DENND4C: variants seen among roughly 807,000 people sequenced by gnomAD.
The protein encoded by DENND4C is DENN domain containing 4C.
A neutral mutation model predicts 203.0 loss-of-function variants in DENND4C; 108 were observed. The ratio of observed to expected loss-of-function variants is 0.53; its 90% CI spans 0.46 to 0.62. The LOEUF is 0.62. DENND4C is among the 20% of genes least tolerant of loss of function. DENND4C has a pLI of 0.00. For synonymous variants in DENND4C, 871 were observed against 792.4 expected, an observed-to-expected ratio of 1.10 and a Z score of -1.67; for missense variants, 2,481 against 2,301.2, an observed-to-expected ratio of 1.08 and a Z score of -1.60.
chr9:19,329,433 C>G (rs1372377013), intron 16 of DENND4C, among the ~76,000 whole-genome samples: 2 of 152,142 alleles, frequency 1.3e-5, no homozygotes, highest in Admixed American at 6.6e-5. Flanking sequence ...TGTGGATATA[C>G]CATATTTTAT....
chr9:19,299,813 C>G (rs780694679), intron 8 of DENND4C, among the ~76,000 whole-genome samples: 5 of 152,154 alleles, frequency 3.3e-5, no homozygotes, highest in Non-Finnish European at 5.9e-5. Flanking sequence ...TGTTTTCACC[C>G]TTTCCCTTAC....
At chr9:19,322,978 T>C (rs1474969861) in intron 12 of DENND4C, among the ~76,000 whole-genome samples, 5 of 151,968 alleles carry the variant, frequency 3.3e-5, no homozygotes, top group East Asian at 1.9e-4. Flanking sequence ...AAGTTGGTGA[T>C]TGAGGTAGGA....
At chr9:19,283,120 C>A (rs557949324) in intron 2 of DENND4C, among the ~76,000 whole-genome samples, 1 of 152,100 alleles carries the variant, frequency 6.6e-6, no homozygotes, top group South Asian at 2.1e-4. Context: ...CTGCATTGGC[C>A]CCTTAAAGTG....
At chr9:19,337,141 T>C (rs1328327505) in intron 20 of DENND4C, among the ~76,000 whole-genome samples, 1 of 152,204 alleles carries the variant, frequency 6.6e-6, no homozygotes, top group African/African-American at 2.4e-5. Flanking sequence ...GTGACACAAC[T>C]TGCAAATCTT....
intron 30 of DENND4C, among the ~76,000 whole-genome samples, chr9:19,367,426 A>G (rs1198165000): frequency 1.3e-5 from 2 of 152,248 alleles, no homozygotes; most frequent in African/African-American, 4.8e-5. Flanking sequence ...AAATACGGAA[A>G]CAAATGTCTA....
At chr9:19,345,395 T>G (rs1403827030) in intron 22 of DENND4C, among the ~76,000 whole-genome samples, 1 of 152,264 alleles carries the variant, frequency 6.6e-6, no homozygotes, top group Non-Finnish European at 1.5e-5. Flanking sequence ...GAAATGGATA[T>G]ATCTGAATAA....
At chr9:19,251,021 G>C (rs114633017) in intron 1 of DENND4C, among the ~76,000 whole-genome samples, 1 of 152,200 alleles carries the variant, frequency 6.6e-6, no homozygotes, top group Non-Finnish European at 1.5e-5. Context: ...CCGCTAGGCA[G>C]CACCCCAGTG....
chr9:19,324,219 A>G (rs1843347993), intron 12 of DENND4C, 143 bp from the exon 13 acceptor site: 1 of 507,836 alleles, frequency 2.0e-6, no homozygotes, highest in Admixed American at 4.3e-5. Context: ...GAGATACTCA[A>G]CCTATAGAAG....
At chr9:19,327,484 G>T (rs1011654053) in intron 15 of DENND4C, among the ~76,000 whole-genome samples, 13 of 151,758 alleles carry the variant, frequency 8.6e-5, no homozygotes, top group Non-Finnish European at 1.8e-4. Context: ...CTATTATTGG[G>T]TATTTGTCCT....
chr9:19,230,659 C>T (rs1318167289), upstream of DENND4C: 2 of 152,166 alleles, frequency 1.3e-5, no homozygotes, highest in African/African-American at 4.8e-5. Flanking sequence ...GGCGGCGCCC[C>T]TCGGAGACCC....
intron 23 of DENND4C, among the ~76,000 whole-genome samples, chr9:19,350,379 T>C (rs1211870392): frequency 1.3e-5 from 2 of 152,210 alleles, no homozygotes; most frequent in Non-Finnish European, 2.9e-5. Flanking sequence ...ACTCTACTTG[T>C]ACTGGGATTC....
At chr9:19,296,936 G>T (rs7873808) in intron 6 of DENND4C, among the ~76,000 whole-genome samples, 4 of 152,060 alleles carry the variant, frequency 2.6e-5, no homozygotes, top group Non-Finnish European at 4.4e-5. Context: ...GTTAAAAGTG[G>T]AGTTTTGGTT....
chr9:19,331,879 T>A, intron 16 of DENND4C, 99 bp from the exon 17 acceptor site: 1 of 1,146,418 alleles, frequency 8.7e-7, no homozygotes, highest in Non-Finnish European at 1.2e-6. Context: ...TTTTAGGGGG[T>A]CAAGTTTTAC....
intron 9 of DENND4C, among the ~76,000 whole-genome samples, chr9:19,304,840 C>T (rs1213380294): frequency 5.3e-5 from 8 of 151,464 alleles, no homozygotes; most frequent in Non-Finnish European, 7.4e-5. Context: ...TGAGCCACCG[C>T]GCCCGGCCAT....
chr9:19,327,242 A>G (rs963890209), intron 15 of DENND4C, among the ~76,000 whole-genome samples: 107 of 152,258 alleles, frequency 7.0e-4, no homozygotes, highest in African/African-American at 2.5e-3. Flanking sequence ...AAAATTGGCC[A>G]AAAGAAATAA....
chr9:19,336,535 A>G, intron 19 of DENND4C, 121 bp downstream of exon 19: 1 of 1,441,506 alleles, frequency 6.9e-7, no homozygotes, highest in African/African-American at 1.4e-5. Context: ...ATACATTTAA[A>G]GACAGATTGT....
At chr9:19,277,663 TGTA>T (rs2130932991) in intron 2 of DENND4C, among the ~76,000 whole-genome samples, 1 of 152,280 alleles carries the variant, frequency 6.6e-6, no homozygotes, top group Non-Finnish European at 1.5e-5. Flanking sequence ...TGTGTGTGTG[TGTA>T]ATTACTCTGG....
chr9:19,300,996 A>G (rs1446719027), intron 9 of DENND4C, among the ~76,000 whole-genome samples: 1 of 152,084 alleles, frequency 6.6e-6, no homozygotes, highest in Non-Finnish European at 1.5e-5. Context: ...CCTGACCAAT[A>G]TGGAGAAACC....
chr9:19,327,944 G>GTTTAGAAATA, intron 15 of DENND4C, 86 bp from the exon 16 acceptor site: 1 of 1,294,030 alleles, frequency 7.7e-7, no homozygotes, highest in Non-Finnish European at 1.1e-6. Flanking sequence ...ACTATTTGAA[G>GTTTAGAAATA]TTTAGAAATA....
Sources: allele counts gnomAD v4.1 joint callset (sites outside exome capture counted in the v4.1 genomes callset), GRCh38; gene constraint gnomAD v4.1.1; transcripts MANE v1.5; gene names NCBI Gene and HGNC (gene_info 2026-07-23, HGNC 2026-07-21).